Variants in SCOC observed in about 807,000 individuals in gnomAD.
The protein encoded by SCOC is short coiled coil protein.
Under a neutral mutation model 9.9 loss-of-function variants are expected in SCOC, and 7 were observed. The ratio of observed to expected loss-of-function variants is 0.71; its 90% CI spans 0.40 to 1.33. The LOEUF is 1.33. SCOC is among the 40% of genes most tolerant of loss of function. The pLI, the probability that SCOC is intolerant of heterozygous loss-of-function variation, is 0.01. For synonymous variants in SCOC, 19 were observed against 28.2 expected, an observed-to-expected ratio of 0.67 and a Z score of 1.03; for missense variants, 66 against 89.7, an observed-to-expected ratio of 0.74 and a Z score of 1.07.
In SCOC at chr4:140,285,923, G is replaced by A. The variant is rs185146903; in HGVS notation, c.-19+28513G>A. On this transcript the variant is annotated intron_variant, in intron 1 of 4. Coordinates refer to the SCOC transcript ENST00000394205. The stretch of plus-strand genomic sequence containing the variant: ...TGCTGGGCTGGGTGCCGTGGCTCTC[G>A]CTTGTAATCCTAGCACTTTGGGTGG... Among the ~76,000 whole-genome samples, 7 of 152,188 alleles carry A rather than the reference G, an allele frequency of 4.6e-5. No individual in the cohort carries two copies. The East Asian group carries it at 7.7e-4, about 17-fold the overall frequency.
intron 1 of SCOC, among the ~76,000 whole-genome samples, chr4:140,306,994 T>C (rs1248774686): frequency 6.6e-6 from 1 of 152,140 alleles, no homozygotes; most frequent in Non-Finnish European, 1.5e-5. Flanking sequence ...GTCCCCAACA[T>C]GGTGCAATTA....
chr4:140,289,639 G>C (rs1268553443), intron 1 of SCOC, among the ~76,000 whole-genome samples: 1 of 152,208 alleles, frequency 6.6e-6, no homozygotes, highest in Non-Finnish European at 1.5e-5. Flanking sequence ...CAGTGTAAGT[G>C]ACTTGTCACC....
chr4:140,343,976 A>G (rs1369961973), intron 2 of SCOC, among the ~76,000 whole-genome samples: 1 of 152,242 alleles, frequency 6.6e-6, no homozygotes, highest in Admixed American at 6.5e-5. Context: ...TTCAGGAAAC[A>G]TGATGTCAAA....
chr4:140,296,777 A>T (rs75582660), intron 1 of SCOC, among the ~76,000 whole-genome samples: 1 of 150,518 alleles, frequency 6.6e-6, no homozygotes, highest in Non-Finnish European at 1.5e-5. Context: ...CACGACAAGA[A>T]AAAAAAAAAC....
chr4:140,289,467 T>C (rs921779787), intron 1 of SCOC, among the ~76,000 whole-genome samples: 2 of 152,176 alleles, frequency 1.3e-5, no homozygotes, highest in African/African-American at 2.4e-5. Context: ...GGGTCTCCTG[T>C]TGGATGCTGT....
intron 1 of SCOC, among the ~76,000 whole-genome samples, chr4:140,311,879 TG>T (rs1360305704): frequency 2.6e-5 from 4 of 152,352 alleles, no homozygotes; most frequent in Admixed American, 2.6e-4. Flanking sequence ...GTGATTATTA[TG>T]AATAGTAAGA....
chr4:140,287,146 CCA>C (rs1227394884), intron 1 of SCOC, among the ~76,000 whole-genome samples: 2 of 151,458 alleles, frequency 1.3e-5, no homozygotes, highest in East Asian at 3.9e-4. Context: ...TGTGCACATG[CCA>C]CACAGACCAT....
At chr4:140,303,038 G>T (rs1287237145) in intron 1 of SCOC, among the ~76,000 whole-genome samples, 1 of 152,152 alleles carries the variant, frequency 6.6e-6, no homozygotes, top group South Asian at 2.1e-4. Context: ...TACTAACAAG[G>T]AGAGGCTGTG....
intron 1 of SCOC, among the ~76,000 whole-genome samples, chr4:140,263,872 G>A (rs528843664): frequency 2.6e-5 from 4 of 152,308 alleles, no homozygotes; most frequent in Admixed American, 2.0e-4. Context: ...AAACAGGACA[G>A]AATAAGTCAA....
At chr4:140,343,810 C>G in intron 2 of SCOC, 1 of 710,556 alleles carries the variant, frequency 1.4e-6, no homozygotes, top group East Asian at 2.9e-5. Flanking sequence ...AAAGCATACT[C>G]ATTGTAGAAA....
chr4:140,339,863 C>T (rs1726434440), upstream of SCOC, among the ~76,000 whole-genome samples: 1 of 152,200 alleles, frequency 6.6e-6, no homozygotes, highest in African/African-American at 2.4e-5. Flanking sequence ...GGACTGCAAA[C>T]TAGTTCAACC....
At chr4:140,347,466 GA>G (rs1190100327) in intron 2 of SCOC, among the ~76,000 whole-genome samples, 1 of 152,164 alleles carries the variant, frequency 6.6e-6, no homozygotes, top group Non-Finnish European at 1.5e-5. Flanking sequence ...CCCTGGCTTT[GA>G]TGCCACCGCA....
intron 1 of SCOC, among the ~76,000 whole-genome samples, chr4:140,322,878 A>T (rs1732540139): frequency 6.6e-6 from 1 of 152,094 alleles, no homozygotes; most frequent in South Asian, 2.1e-4. Flanking sequence ...CAACAAGAGA[A>T]TGGCCCCGAA....
intron 2 of SCOC, among the ~76,000 whole-genome samples, chr4:140,351,538 C>T (rs1459780409): frequency 6.6e-6 from 1 of 152,044 alleles, no homozygotes; most frequent in South Asian, 2.1e-4. Context: ...CTTTTGGTGT[C>T]GGCCAATTAG....
chr4:140,274,450 G>C (rs1324231053), intron 1 of SCOC, among the ~76,000 whole-genome samples: 1 of 152,016 alleles, frequency 6.6e-6, no homozygotes, highest in African/African-American at 2.4e-5. Flanking sequence ...TTATGAGGGG[G>C]CTCCTGATGA....
At chr4:140,314,544 G>A (rs1270369274) in intron 1 of SCOC, 2 of 152,226 alleles carry the variant, frequency 1.3e-5, no homozygotes, top group African/African-American at 4.8e-5. Context: ...TATACTGGGA[G>A]CTACATCTTG....
upstream of SCOC, among the ~76,000 whole-genome samples, chr4:140,370,044 A>G (rs949146317): frequency 2.0e-5 from 3 of 152,004 alleles, no homozygotes; most frequent in Non-Finnish European, 2.9e-5. Flanking sequence ...TGAGTCATGC[A>G]AGAGCTGCCT....
chr4:140,275,723 G>A (rs1730963573), intron 1 of SCOC, among the ~76,000 whole-genome samples: 1 of 151,908 alleles, frequency 6.6e-6, no homozygotes, highest in African/African-American at 2.4e-5. Context: ...AATACGTATT[G>A]AGGGATTGAT....
chr4:140,295,945 AAAG>A (rs1176502874), intron 1 of SCOC, among the ~76,000 whole-genome samples: 3 of 141,172 alleles, frequency 2.1e-5, no homozygotes, highest in African/African-American at 2.8e-5. Context: ...AAAAAAAAAA[AAAG>A]AAAGAAAGAA....
Sources: gnomAD v4.1 joint callset for allele counts (sites outside exome capture counted in the v4.1 genomes callset) on GRCh38, gnomAD v4.1.1 for gene constraint, MANE v1.5 for transcripts, NCBI Gene and HGNC (gene_info 2026-07-23, HGNC 2026-07-21) for gene names.